Variants in AKNA observed in about 807,000 individuals in gnomAD.
AKNA encodes the protein AT-hook transcription factor.
AKNA carries 67 observed loss-of-function variants against 138.8 expected under a neutral mutation model. The observed-to-expected ratio is 0.48, with a 90% confidence interval of 0.40 to 0.59. The LOEUF (loss-of-function observed/expected upper bound fraction) is 0.59, where lower values mean the gene tolerates loss of function less well. Among genes scored for constraint, AKNA ranks in the 20% least tolerant of loss-of-function variants. AKNA has a pLI of 0.00. For missense variants in AKNA, 1,813 were observed against 1,880.4 expected, an observed-to-expected ratio of 0.96 and a Z score of 0.66; for synonymous variants, 737 against 754.4, an observed-to-expected ratio of 0.98 and a Z score of 0.38.
At chr9:114,349,118 A>G in intron 15 of AKNA, 3 of 364,658 alleles carry the variant, frequency 8.2e-6, no homozygotes, top group South Asian at 6.0e-5. Flanking sequence ...CTGGAGAGTG[A>G]CATCTCCCCA....
At chr9:114,333,843 C>G (rs1414545342), downstream of AKNA, among the ~76,000 whole-genome samples, 1 of 150,994 alleles carries the variant, frequency 6.6e-6, no homozygotes, top group Non-Finnish European at 1.5e-5. Context: ...TATTGTTTGG[C>G]TCTGTGTCCC....
Position 114,341,618 on chromosome 9 carries a change from G to C in AKNA, c.3982C>G (p.Leu1328Val). Residue 1328 changes from leucine (L) to valine (V), a missense_variant, in exon 21 of 22, where the codon CTG becomes GTG. Physicochemically the swap from Leu to Val is conservative, Grantham distance 32. Transcript: ENST00000374088. ...SPRPPPGLWY[L>V]ATAPPAPAPP... Reference sequence around the variant, plus strand: ...GCTGGTGCTGGGGGCGCTGTTGCCAGATACCACAGTCCGGGGGGTGGGCGT... The same window carrying C: ...GCTGGTGCTGGGGGCGCTGTTGCCACATACCACAGTCCGGGGGGTGGGCGT... The C allele has an allele frequency of 6.2e-7, 1 of 1,613,758 alleles. No homozygotes were observed. The highest frequency in any genetic ancestry group is 8.5e-7 in the Non-Finnish European group (1 of 1,179,900).
intron 6 of AKNA, among the ~76,000 whole-genome samples, chr9:114,365,486 A>C (rs1292735858): frequency 6.6e-6 from 1 of 152,210 alleles, no homozygotes; most frequent in Non-Finnish European, 1.5e-5. Context: ...AATTACAAAA[A>C]AAGGCAAGGG....
intron 14 of AKNA, among the ~76,000 whole-genome samples, chr9:114,355,326 C>T (rs1447193911): frequency 1.3e-5 from 2 of 152,118 alleles, no homozygotes; most frequent in Non-Finnish European, 1.5e-5. Flanking sequence ...CAGGCACCTG[C>T]CACCATGCCT....
At chr9:114,349,941 A>G (rs1290948136) in intron 15 of AKNA, among the ~76,000 whole-genome samples, 1 of 152,152 alleles carries the variant, frequency 6.6e-6, no homozygotes, top group Non-Finnish European at 1.5e-5. Flanking sequence ...CCCTCCCTGA[A>G]GCCTCTAACC....
chr9:114,370,112 C>T (rs1236389080), intron 4 of AKNA, among the ~76,000 whole-genome samples: 1 of 152,228 alleles, frequency 6.6e-6, no homozygotes, highest in Non-Finnish European at 1.5e-5. Flanking sequence ...TCCCTGGCCC[C>T]CAGGCAAGCA....
In AKNA at chr9:114,367,712, T is replaced by A; in HGVS notation, c.1574-15A>T. 2 of 1,535,886 alleles carry A rather than the reference T, an allele frequency of 1.3e-6. No individual in the cohort carries two copies. Among genetic ancestry groups the A allele is most frequent in the Non-Finnish European group, 1.8e-6 (2 of 1,136,040 alleles). On this transcript the variant is annotated splice_polypyrimidine_tract_variant and intron_variant, in intron 5 of 21. Transcript: ENST00000374088. The stretch of plus-strand genomic sequence containing the variant: ...TGATGGCCACCCTGGAATACACAAC[T>A]GCTGAAAGCTGGGGCCAAGAACAGT...
chr9:114,379,256 A>C (rs569987164), intron 2 of AKNA, among the ~76,000 whole-genome samples: 1 of 152,346 alleles, frequency 6.6e-6, no homozygotes, highest in Admixed American at 6.5e-5. Flanking sequence ...CTCTCTGGCA[A>C]TCCATAGTCA....
At chr9:114,354,151 C>A (rs1168778347) in intron 14 of AKNA, among the ~76,000 whole-genome samples, 2 of 152,002 alleles carry the variant, frequency 1.3e-5, no homozygotes, top group Non-Finnish European at 2.9e-5. Flanking sequence ...AAAATATTTT[C>A]TTTCTTGATA....
intron 3 of AKNA, 45 bp from the exon 4 acceptor site, chr9:114,374,212 T>G (rs1833004568): frequency 6.5e-7 from 1 of 1,533,042 alleles, no homozygotes; most frequent in African/African-American, 1.4e-5. Context: ...AGGCACACAA[T>G]GAACCCCTCC....
chr9:114,360,788 C>T (rs993372993), intron 9 of AKNA, among the ~76,000 whole-genome samples: 14 of 152,294 alleles, frequency 9.2e-5, no homozygotes, highest in African/African-American at 2.4e-4. Context: ...TCTGTGTGAA[C>T]GCACTACACT....
At chr9:114,387,763 G>A (rs1242749740) in intron 1 of AKNA, 97 bp downstream of exon 1, 1 of 227,398 alleles carries the variant, frequency 4.4e-6, no homozygotes, top group Non-Finnish European at 9.9e-6. Context: ...TTCCTGGCTG[G>A]GCTGGTCCGG....
chr9:114,390,101 C>T (rs1834278192), upstream of AKNA, among the ~76,000 whole-genome samples: 1 of 152,306 alleles, frequency 6.6e-6, no homozygotes, highest in Admixed American at 6.5e-5. Flanking sequence ...ACCCAGGTGG[C>T]TGCCATTGCT....
At chr9:114,359,361 G>A in intron 11 of AKNA, 1 of 825,826 alleles carries the variant, frequency 1.2e-6, no homozygotes, top group East Asian at 2.9e-5. Flanking sequence ...GAGCCACTGT[G>A]CCCAGCTGAG....
upstream of AKNA, among the ~76,000 whole-genome samples, chr9:114,388,402 G>T (rs1302629498): frequency 1.3e-5 from 2 of 152,170 alleles, no homozygotes; most frequent in African/African-American, 4.8e-5. Context: ...GGGCCCATGT[G>T]CACGGTGAGA....
At chr9:114,383,521 T>C (rs1175175104) in intron 1 of AKNA, among the ~76,000 whole-genome samples, 1 of 152,086 alleles carries the variant, frequency 6.6e-6, no homozygotes. Flanking sequence ...ATGGGGAAAC[T>C]GGGATCCAGA....
chr9:114,391,812 C>G (rs1412439315), upstream of AKNA, among the ~76,000 whole-genome samples: 1 of 129,686 alleles, frequency 7.7e-6, no homozygotes, highest in Non-Finnish European at 1.6e-5. Flanking sequence ...CGAGATTGCA[C>G]CATTGCACTC....
rs1831982797 is a variant in AKNA at position 114,361,780 on chromosome 9, C to T, written c.2048G>A (p.Cys683Tyr). 2 of 1,613,846 alleles carry T rather than the reference C, an allele frequency of 1.2e-6. No individual in the cohort carries two copies. Among genetic ancestry groups the T allele is most frequent in the African/African-American group, 2.7e-5 (2 of 75,002 alleles). Reference sequence around the variant, plus strand: ...AGGCAGGTGCGTTGGCTGATGGAGGCAGGGCAGGGCTGGGGTGCTGTCCAG... The same window carrying T: ...AGGCAGGTGCGTTGGCTGATGGAGGTAGGGCAGGGCTGGGGTGCTGTCCAG... ...SALDSTPALPCLHQPTHLPAP... is the reference protein window; with the variant it reads ...SALDSTPALPYLHQPTHLPAP... The change falls in exon 9 of 22, where the codon TGC becomes TAC. Residue 683 changes from cysteine to tyrosine, a missense_variant. By Grantham distance (194) the Cys-to-Tyr change is radical (BLOSUM62 -2). Coordinates refer to ENST00000374088, the MANE Select transcript of AKNA (RefSeq NM_001317950.2).
intron 19 of AKNA, 88 bp from the exon 20 acceptor site, chr9:114,342,213 C>G (rs1468816933): frequency 1.0e-6 from 1 of 984,010 alleles, no homozygotes; most frequent in Non-Finnish European, 1.5e-6. Flanking sequence ...CAGCACTGAG[C>G]TCTCCTCGGG....
Sources: gnomAD v4.1 joint callset for allele counts (sites outside exome capture counted in the v4.1 genomes callset) on GRCh38, gnomAD v4.1.1 for gene constraint, MANE v1.5 for transcripts, NCBI Gene and HGNC (gene_info 2026-07-23, HGNC 2026-07-21) for gene names.